MPP4: variants seen among roughly 807,000 people sequenced by gnomAD.
MPP4 encodes the protein MAGUK p55 subfamily member 4.
A neutral mutation model predicts 98.3 loss-of-function variants in MPP4; 91 were observed. The observed-to-expected ratio is 0.93, with a 90% CI of 0.78 to 1.10. The LOEUF (loss-of-function observed/expected upper bound fraction) is 1.10, where lower values mean the gene tolerates loss of function less well. Ranked by LOEUF, MPP4 falls within the 50% of genes least tolerant of loss-of-function variation. MPP4 has a pLI of 0.00. For synonymous variants in MPP4, 261 were observed against 271.8 expected (o/e 0.96, Z 0.39); for missense variants, 744 against 792.9 (o/e 0.94, Z 0.74).
At chr2:201,662,797 A>G (rs1559007373) in intron 14 of MPP4, among the ~76,000 whole-genome samples, 1 of 152,182 alleles carries the variant, frequency 6.6e-6, no homozygotes, top group Non-Finnish European at 1.5e-5. Flanking sequence ...ATAATATGCC[A>G]AAGCAATTAG....
At chr2:201,691,610 C>T (rs1689029623) in intron 3 of MPP4, among the ~76,000 whole-genome samples, 1 of 152,154 alleles carries the variant, frequency 6.6e-6, no homozygotes, top group Admixed American at 6.5e-5. Flanking sequence ...CTCTGCCTCC[C>T]AGGTTTAAGC....
At position 201,688,473 on chromosome 2, in the gene MPP4, C is replaced by A. The variant is rs76705144; in HGVS notation, c.280-1102G>T. On this transcript the variant is annotated intron_variant, in intron 4 of 21. Coordinates refer to ENST00000409474, the MANE Select transcript of MPP4 (RefSeq NM_033066.3). ...AGATAGGTGACCAGGAAAAGCCTCA[C>A]TGAGAAGGTGGCATTTGAGTGGAGA... 3.5e-3 allele frequency among the ~76,000 whole-genome samples: 534 copies of A among 152,262 alleles called. 17 individuals carry two copies. In the East Asian group the frequency reaches 0.071, roughly 20 times the overall value.
chr2:201,692,850 T>G, intron 3 of MPP4, 58 bp downstream of exon 3: 1 of 1,579,644 alleles, frequency 6.3e-7, no homozygotes. Flanking sequence ...TGTCATTTTC[T>G]ACACACTCCC....
chr2:201,659,416 C>T (rs1687958975), intron 15 of MPP4, among the ~76,000 whole-genome samples: 1 of 152,154 alleles, frequency 6.6e-6, no homozygotes, highest in Non-Finnish European at 1.5e-5. Context: ...AGTTCAAACT[C>T]CTGTTTCTCC....
chr2:201,669,121 TGAGAGAGAGA>T (rs35543688), intron 12 of MPP4, among the ~76,000 whole-genome samples: 1 of 100,802 alleles, frequency 9.9e-6, no homozygotes, highest in East Asian at 2.6e-4. Flanking sequence ...TGTGTGTGTG[TGAGAGAGAGA>T]GAGAGAGAGC....
At chr2:201,654,051 A>C (rs1464547662) in intron 18 of MPP4, among the ~76,000 whole-genome samples, 2 of 151,838 alleles carry the variant, frequency 1.3e-5, no homozygotes, top group Admixed American at 1.3e-4. Flanking sequence ...ATCTCGGCTC[A>C]CTGCAACCTC....
At chr2:201,679,683 C>T (rs1688615378) in intron 10 of MPP4, among the ~76,000 whole-genome samples, 1 of 152,174 alleles carries the variant, frequency 6.6e-6, no homozygotes, top group African/African-American at 2.4e-5. Context: ...TCTGTTTCTC[C>T]CTTATCATCA....
intron 17 of MPP4, 148 bp from the exon 18 acceptor site, chr2:201,655,065 A>G: frequency 3.4e-6 from 2 of 582,380 alleles, no homozygotes; most frequent in South Asian, 5.2e-5. Context: ...ATAAATTGGA[A>G]GAACCCCAGA....
At chr2:201,694,217 C>G (rs1689114220) in intron 1 of MPP4, among the ~76,000 whole-genome samples, 163 bp from the exon 2 acceptor site, 1 of 152,196 alleles carries the variant, frequency 6.6e-6, no homozygotes, top group East Asian at 1.9e-4. Flanking sequence ...CTCCCCCTAA[C>G]TCCATGTTTT....
chr2:201,686,328 A>G (rs1242547428), intron 5 of MPP4, among the ~76,000 whole-genome samples: 1 of 152,238 alleles, frequency 6.6e-6, no homozygotes, highest in Non-Finnish European at 1.5e-5. Context: ...AAAATGTATT[A>G]TGCCACGACA....
At chr2:201,667,550 A>C (rs1208302406) in intron 12 of MPP4, among the ~76,000 whole-genome samples, 1 of 152,156 alleles carries the variant, frequency 6.6e-6, no homozygotes, top group Non-Finnish European at 1.5e-5. Context: ...TTATTTCTTA[A>C]ATTGAGTTTT....
chr2:201,664,791 T>C (rs17468821), intron 13 of MPP4, among the ~76,000 whole-genome samples: 20,875 of 152,226 alleles, frequency 0.14, 1,682 homozygotes, highest in South Asian at 0.25. Flanking sequence ...GGCAATTCAT[T>C]GTAGCACTGT....
In MPP4 at chr2:201,651,270, A is replaced by G. The variant is rs1687706223; in HGVS notation, c.1382-1105T>C. The stretch of plus-strand genomic sequence containing the variant: ...CCAACCTTCAAGGGGGTCTAAAAGC[A>G]AATGTCATCTTGGGGTCATTTTTGT... On this transcript the variant is annotated intron_variant, in intron 18 of 21. Transcript: ENST00000409474. 1.7e-5 allele frequency: 17 copies of G among 985,458 alleles called. No individual in the cohort carries two copies. In the South Asian group the frequency reaches 7.5e-4, roughly 44 times the overall value. The allele number at this position is 985,458 out of a possible 1,614,324, so 61.0% of individuals were successfully genotyped here.
chr2:201,687,216 T>A lies in MPP4; in HGVS notation c.360+75A>T, dbSNP rs1244490768. On this transcript the variant is annotated intron_variant, in intron 5 of 21. Coordinates refer to ENST00000409474, the MANE Select transcript of MPP4 (RefSeq NM_033066.3). ...ATCTATTCAGAGAGAACATTTTCCA[T>A]CACATATATTTCTCCTTCCCAACTT... is the stretch of plus-strand genomic sequence containing the variant. 5 of 1,191,628 alleles carry A rather than the reference T, an allele frequency of 4.2e-6. No homozygotes were observed. In the East Asian group the frequency reaches 1.3e-4, roughly 30 times the overall value. 73.8% of individuals were successfully genotyped at this position (1,191,628 alleles called of 1,614,324 possible).
intron 3 of MPP4, among the ~76,000 whole-genome samples, 189 bp from the exon 4 acceptor site, chr2:201,690,468 G>A (rs1265583030): frequency 5.9e-5 from 9 of 152,156 alleles, no homozygotes; most frequent in South Asian, 4.1e-4. Flanking sequence ...TGGTGGCCCC[G>A]ATGCTTCAAA....
chr2:201,649,147 G>A (rs987397073), intron 20 of MPP4, among the ~76,000 whole-genome samples: 2 of 151,998 alleles, frequency 1.3e-5, no homozygotes, highest in South Asian at 2.1e-4. Flanking sequence ...TTGGGCCTAC[G>A]GATTGCATGC....
At chr2:201,693,606 T>C (rs1449798708) in intron 2 of MPP4, among the ~76,000 whole-genome samples, 1 of 152,240 alleles carries the variant, frequency 6.6e-6, no homozygotes, top group Non-Finnish European at 1.5e-5. Flanking sequence ...ATATTCTGAA[T>C]GTGAACAACT....
At chr2:201,679,063 C>T (rs1168452478) in intron 10 of MPP4, among the ~76,000 whole-genome samples, 1 of 152,108 alleles carries the variant, frequency 6.6e-6, no homozygotes, top group African/African-American at 2.4e-5. Flanking sequence ...CTTCCAGCAT[C>T]CCTTTCTCCT....
chr2:201,655,357 C>T (rs576263687), intron 17 of MPP4, among the ~76,000 whole-genome samples: 28 of 152,272 alleles, frequency 1.8e-4, no homozygotes, highest in African/African-American at 6.7e-4. Context: ...CGATCAGCAC[C>T]CCCATGTCCG....
Sources: allele counts gnomAD v4.1 joint callset (sites outside exome capture counted in the v4.1 genomes callset), GRCh38; gene constraint gnomAD v4.1.1; transcripts MANE v1.5; gene names NCBI Gene and HGNC (gene_info 2026-07-23, HGNC 2026-07-21).